The following OBI1 variants were observed in gnomAD, a reference collection of about 807,000 sequenced individuals.
OBI1 encodes the protein ORC ubiquitin ligase 1, also known as ring finger protein 219.
A neutral mutation model predicts 62.4 loss-of-function variants in OBI1; 59 were observed. That is an observed-to-expected ratio of 0.95 (90% CI 0.77 to 1.17). The LOEUF (loss-of-function observed/expected upper bound fraction) is 1.17, where lower values mean the gene tolerates loss of function less well. OBI1 is among the 50% of genes most tolerant of loss of function. The pLI is 0.00. For synonymous variants in OBI1, 302 were observed against 292.8 expected, an observed-to-expected ratio of 1.03 and a Z score of -0.32; for missense variants, 875 against 830.9, an observed-to-expected ratio of 1.05 and a Z score of -0.65.
chr13:78,623,270 TA>T lies in OBI1; in HGVS notation c.639-6149del, dbSNP rs34129925. On this transcript the variant is annotated intron_variant, in intron 5 of 5. Transcript: ENST00000282003. ...ATGAGATATACTGAAAGAGAACATT[TA>T]AAAAAAAAAAAAAAAGGAAAGTGAA... Among the ~76,000 whole-genome samples, 713 of 136,126 alleles carry T rather than the reference TA, an allele frequency of 5.2e-3. 5 individuals are homozygous for T. Among genetic ancestry groups the T allele is most frequent in the East Asian group, 0.034 (159 of 4,720 alleles). 89.3% of individuals were successfully genotyped at this position (136,126 alleles called of 152,430 possible). A position where few individuals can be genotyped will look rare whatever the true frequency, so the allele number is the denominator to read the frequency against.
At position 78,614,649 on chromosome 13, in the gene OBI1, C is replaced by T. The variant is rs1357076906; in HGVS notation, c.*931G>A. 5.9e-5 allele frequency: 9 copies of T among 152,380 alleles called. No homozygotes were observed. Among genetic ancestry groups the T allele is most frequent in the Non-Finnish European group, 2.9e-5 (2 of 68,030 alleles). 9.4% of individuals were successfully genotyped at this position (152,380 alleles called of 1,614,324 possible). On this transcript the variant is annotated 3_prime_UTR_variant, in exon 6 of 6. Transcript: ENST00000282003. ...TCCACAAAGAACAGGAACATGCAAA[C>T]AAGAAACATACTACTCAAAAGAAAA...
At chr13:78,640,573 T>G (rs1201269810) in intron 3 of OBI1, among the ~76,000 whole-genome samples, 4 of 152,072 alleles carry the variant, frequency 2.6e-5, no homozygotes, top group Non-Finnish European at 2.9e-5. Context: ...CCAAGGCAGG[T>G]GGGCCAGCTG....
rs1875324759 is a variant in OBI1 at position 78,616,998 on chromosome 13, C to T, written c.763G>A (p.Ala255Thr). 1 of 1,614,040 alleles carries T rather than the reference C, an allele frequency of 6.2e-7. No individual in the cohort carries two copies. Among genetic ancestry groups the T allele is most frequent in the Admixed American group, 1.7e-5 (1 of 59,994 alleles). The change falls in exon 6 of 6, where the codon GCA becomes ACA. Residue 255 changes from alanine to threonine, a missense_variant. Coordinates refer to ENST00000282003, the MANE Select transcript of OBI1 (RefSeq NM_024546.4). ...KYIEELESQV[A>T]QLKNSSEEKE... ...TCTTCACTTGAATTTTTTAGCTGTG[C>T]AACTTGAGATTCTAGTTCCTCTATA...
intron 1 of OBI1, 53 bp downstream of exon 1, chr13:78,658,996 G>A: frequency 3.9e-6 from 6 of 1,533,384 alleles, no homozygotes; most frequent in Non-Finnish European, 5.4e-6. Flanking sequence ...CTCGGCCCCG[G>A]CGAGCGACTT....
intron 1 of OBI1, among the ~76,000 whole-genome samples, chr13:78,656,792 A>ATTTTTTTTTTTTTTTTTTTTTTTAT (rs869148028): frequency 1.5e-5 from 1 of 67,196 alleles, no homozygotes; most frequent in Non-Finnish European, 2.7e-5. Context: ...TTTATTTTTA[A>ATTTTTTTTTTTTTTTTTTTTTTTAT]TTTTTTTTTT....
At chr13:78,651,239 T>C (rs1876534327) in intron 1 of OBI1, among the ~76,000 whole-genome samples, 1 of 152,218 alleles carries the variant, frequency 6.6e-6, no homozygotes, top group Non-Finnish European at 1.5e-5. Flanking sequence ...TTGTCTTTGA[T>C]CTACTGCAAT....
chr13:78,621,600 T>C (rs770203736), intron 5 of OBI1, among the ~76,000 whole-genome samples: 3 of 152,138 alleles, frequency 2.0e-5, no homozygotes, highest in Admixed American at 1.3e-4. Flanking sequence ...GGAAGTGAAA[T>C]TGAAATCAAA....
chr13:78,616,352 C>T lies in OBI1; in HGVS notation c.1409G>A (p.Cys470Tyr). The change falls in exon 6 of 6, where the codon TGT (cysteine) becomes TAT (tyrosine). Residue 470 changes from cysteine (C) to tyrosine (Y), a missense_variant. Physicochemically the swap from Cys to Tyr is radical, Grantham distance 194. Coordinates refer to ENST00000282003, the MANE Select transcript of OBI1 (RefSeq NM_024546.4). ...SSPKTGFWDC[C>Y]STSYAQNLDF... is the part of the protein sequence containing the mutation. ...TAAGTTTTGGGCATAGCTTGTGGAA[C>T]AACAGTCCCAAAATCCTGTCTTTGG... 1 of 1,613,978 alleles carries T rather than the reference C, an allele frequency of 6.2e-7. No individual in the cohort carries two copies. The highest frequency in any genetic ancestry group is 8.5e-7 in the Non-Finnish European group (1 of 1,179,868).
At chr13:78,641,004 A>G (rs1464411934) in intron 3 of OBI1, among the ~76,000 whole-genome samples, 1 of 152,160 alleles carries the variant, frequency 6.6e-6, no homozygotes, top group East Asian at 1.9e-4. Flanking sequence ...CCCACTCTGG[A>G]AATGTTTATT....
At chr13:78,627,391 T>C (rs1875707083) in intron 5 of OBI1, among the ~76,000 whole-genome samples, 1 of 151,404 alleles carries the variant, frequency 6.6e-6, no homozygotes, top group Non-Finnish European at 1.5e-5. Context: ...GGTGGTTTGC[T>C]GCACCTACTG....
At position 78,616,751 on chromosome 13, in the gene OBI1, T is replaced by A. The variant is rs774614872; in HGVS notation, c.1010A>T (p.Asn337Ile). 6.2e-7 allele frequency: 1 copy of A among 1,614,076 alleles called. No individual in the cohort carries two copies. Among genetic ancestry groups the A allele is most frequent in the Non-Finnish European group, 8.5e-7 (1 of 1,180,032 alleles). ...ATATAGGTCTTTGTTCTTAGAACAGTTAAGGTCTGCTTTGCTGGTACTTTC... is the reference window on the plus strand; with the variant it reads ...ATATAGGTCTTTGTTCTTAGAACAGATAAGGTCTGCTTTGCTGGTACTTTC... ...RQESTSKADL[N>I]CSKNKDLYQE... The change falls in exon 6 of 6, where the codon AAC becomes ATC. Residue 337 changes from asparagine (N) to isoleucine (I), a missense_variant. Coordinates refer to ENST00000282003, the MANE Select transcript of OBI1 (RefSeq NM_024546.4).
At position 78,638,988 on chromosome 13, in the gene OBI1, C is replaced by G; in HGVS notation, c.384G>C (p.Leu128=). ...LSLESQIKTI[L]DPLTLVQGNQ... is the part of the protein sequence containing the mutation. ...TGCCCTGCACCAAGGTTAAAGGATC[C>G]AGAATAGTTTTGATCTGTGACTCCA... Residue 128 remains leucine (L), a synonymous_variant, in exon 4 of 6, where the codon CTG becomes CTC. Coordinates refer to ENST00000282003, the MANE Select transcript of OBI1 (RefSeq NM_024546.4). 1 of 1,613,906 alleles carries G rather than the reference C, an allele frequency of 6.2e-7. No homozygotes were observed. Among genetic ancestry groups the G allele is most frequent in the South Asian group, 1.1e-5 (1 of 91,072 alleles).
intron 4 of OBI1, 38 bp downstream of exon 4, chr13:78,638,785 A>C: frequency 6.4e-7 from 1 of 1,558,452 alleles, no homozygotes; most frequent in Non-Finnish European, 8.7e-7. Flanking sequence ...ACTTATTTTA[A>C]AAACAACCAT....
At chr13:78,642,946 C>A (rs1038026219) in intron 2 of OBI1, among the ~76,000 whole-genome samples, 1 of 151,936 alleles carries the variant, frequency 6.6e-6, no homozygotes, top group Non-Finnish European at 1.5e-5. Flanking sequence ...TGTCTTTTCA[C>A]GGATTCTAAC....
chr13:78,614,542 A>G lies in OBI1; in HGVS notation c.*1038T>C, dbSNP rs1309598829. On this transcript the variant is annotated 3_prime_UTR_variant, in exon 6 of 6. Coordinates refer to ENST00000282003, the MANE Select transcript of OBI1 (RefSeq NM_024546.4). ...TCACAGAAAAGTTTTGTCCTACATAAAAGATATTCTATCAGCCAACTGAAA... is the reference window on the plus strand; with the variant it reads ...TCACAGAAAAGTTTTGTCCTACATAGAAGATATTCTATCAGCCAACTGAAA... 1 of 152,644 alleles carries G rather than the reference A, an allele frequency of 6.6e-6. No individual in the cohort carries two copies. The highest frequency in any genetic ancestry group is 1.5e-5 in the Non-Finnish European group (1 of 68,038). 9.5% of individuals were successfully genotyped at this position (152,644 alleles called of 1,614,324 possible).
At chr13:78,629,756 C>T (rs1294637007) in intron 5 of OBI1, among the ~76,000 whole-genome samples, 1 of 152,110 alleles carries the variant, frequency 6.6e-6, no homozygotes, top group African/African-American at 2.4e-5. Context: ...ATGTGACACG[C>T]TTCACATTCC....
chr13:78,635,237 A>G, intron 4 of OBI1, 39 bp from the exon 5 acceptor site: 1 of 1,242,784 alleles, frequency 8.0e-7, no homozygotes, highest in Non-Finnish European at 1.2e-6. Flanking sequence ...CAAAAGCTAC[A>G]ATAAAAGTGA....
At chr13:78,639,666 A>T (rs1426823016) in intron 3 of OBI1, among the ~76,000 whole-genome samples, 1 of 148,550 alleles carries the variant, frequency 6.7e-6, no homozygotes, top group African/African-American at 2.5e-5. Context: ...GCAGCCATAA[A>T]AAATGATGAG....
intron 4 of OBI1, among the ~76,000 whole-genome samples, chr13:78,635,761 TATCTATTTATCTATATTTTTTG>T (rs1200826940): frequency 6.6e-6 from 1 of 152,164 alleles, no homozygotes; most frequent in Non-Finnish European, 1.5e-5. Context: ...TCTATCTATG[TATCTATTTATCTATATTTTTTG>T]AAAGAGTCTT....
Sources: gnomAD v4.1 joint callset for allele counts (sites outside exome capture counted in the v4.1 genomes callset) on GRCh38, gnomAD v4.1.1 for gene constraint, MANE v1.5 for transcripts, NCBI Gene and HGNC (gene_info 2026-07-23, HGNC 2026-07-21) for gene names.